SLC24A3: variants seen among roughly 807,000 people sequenced by gnomAD.
SLC24A3 encodes sodium/potassium/calcium exchanger 3.
Under a neutral mutation model 75.8 loss-of-function variants are expected in SLC24A3, and 28 were observed. The observed-to-expected ratio is 0.37, with a 90% CI of 0.27 to 0.51. The LOEUF (loss-of-function observed/expected upper bound fraction) is 0.51. Among genes scored for constraint, SLC24A3 ranks in the 20% least tolerant of loss-of-function variants. The pLI, the probability that SLC24A3 is intolerant of heterozygous loss-of-function variation, is 0.94. For synonymous variants in SLC24A3, 372 were observed against 334.1 expected (o/e 1.11, Z -1.24); for missense variants, 663 against 847.8 (o/e 0.78, Z 2.71).
chr20:19,309,900 C>T (rs1984415576), intron 2 of SLC24A3, among the ~76,000 whole-genome samples: 1 of 152,142 alleles, frequency 6.6e-6, no homozygotes, highest in Admixed American at 6.5e-5. Flanking sequence ...CTTTCACGCC[C>T]CAGGAGTGAC....
chr20:19,616,926 CAGA>C (rs889202280), intron 6 of SLC24A3, among the ~76,000 whole-genome samples: 10 of 152,102 alleles, frequency 6.6e-5, no homozygotes, highest in Admixed American at 1.3e-4. Context: ...CTCCGTTGGG[CAGA>C]AGAACCATGG....
intron 2 of SLC24A3, among the ~76,000 whole-genome samples, chr20:19,426,087 G>A (rs1481911383): frequency 2.6e-5 from 4 of 152,178 alleles, no homozygotes; most frequent in Non-Finnish European, 5.9e-5. Flanking sequence ...CCTTCAAGTG[G>A]AAAGTGCTTA....
intron 1 of SLC24A3, 62 bp from the exon 2 acceptor site, chr20:19,280,897 G>T: frequency 6.4e-7 from 1 of 1,568,842 alleles, no homozygotes; most frequent in Non-Finnish European, 8.7e-7. Flanking sequence ...CGGGCATGCA[G>T]CGTCGGCAGA....
chr20:19,389,841 G>A (rs1211480668), intron 2 of SLC24A3, among the ~76,000 whole-genome samples: 1 of 152,004 alleles, frequency 6.6e-6, no homozygotes, highest in Non-Finnish European at 1.5e-5. Flanking sequence ...CTCTTTCTGT[G>A]TTCCTTCCAG....
At chr20:19,232,344 T>C (rs1982046989) in intron 1 of SLC24A3, among the ~76,000 whole-genome samples, 2 of 152,234 alleles carry the variant, frequency 1.3e-5, no homozygotes, top group Admixed American at 6.5e-5. Flanking sequence ...GAGAGATGGT[T>C]ATCACAAAAT....
intron 2 of SLC24A3, among the ~76,000 whole-genome samples, chr20:19,317,532 G>C (rs927519883): frequency 1.3e-5 from 2 of 152,178 alleles, no homozygotes; most frequent in African/African-American, 4.8e-5. Context: ...CAGGCCCATG[G>C]GCCATGCCTT....
At chr20:19,297,285 C>T (rs1292904915) in intron 2 of SLC24A3, among the ~76,000 whole-genome samples, 3 of 152,104 alleles carry the variant, frequency 2.0e-5, no homozygotes, top group African/African-American at 7.2e-5. Flanking sequence ...CTTTGGGTTA[C>T]GTTTATACGC....
intron 1 of SLC24A3, among the ~76,000 whole-genome samples, chr20:19,271,809 G>A (rs914125397): frequency 3.3e-5 from 5 of 152,092 alleles, no homozygotes; most frequent in African/African-American, 1.2e-4. Flanking sequence ...GCATAAGAAT[G>A]ACTCTGGGGA....
intron 2 of SLC24A3, among the ~76,000 whole-genome samples, chr20:19,328,862 G>A (rs2122289452): frequency 6.6e-6 from 1 of 152,348 alleles, no homozygotes; most frequent in Middle Eastern, 3.4e-3. Flanking sequence ...TTCCCCACAG[G>A]AGCAAGCGTA....
At chr20:19,399,487 T>G (rs1165952966) in intron 2 of SLC24A3, among the ~76,000 whole-genome samples, 1 of 152,240 alleles carries the variant, frequency 6.6e-6, no homozygotes, top group Admixed American at 6.5e-5. Context: ...TCTCTTAGAA[T>G]TCTTCTTTGA....
At chr20:19,687,589 G>A (rs905214876) in intron 12 of SLC24A3, among the ~76,000 whole-genome samples, 1 of 152,148 alleles carries the variant, frequency 6.6e-6, no homozygotes, top group East Asian at 1.9e-4. Flanking sequence ...TTAAACAGTC[G>A]AGCCAGTGGA....
chr20:19,684,097 G>A (rs1568697062), intron 10 of SLC24A3, 79 bp from the exon 11 acceptor site: 3 of 1,489,932 alleles, frequency 2.0e-6, no homozygotes, highest in Non-Finnish European at 2.8e-6. Flanking sequence ...GAGAAAAGAA[G>A]GGAAGGAAGA....
At chr20:19,393,723 A>C (rs750052701) in intron 2 of SLC24A3, among the ~76,000 whole-genome samples, 1 of 152,208 alleles carries the variant, frequency 6.6e-6, no homozygotes, top group South Asian at 2.1e-4. Context: ...ATGTAAATAG[A>C]TGAAAAGACA....
intron 3 of SLC24A3, among the ~76,000 whole-genome samples, chr20:19,533,449 G>A (rs1167087019): frequency 6.6e-6 from 1 of 152,222 alleles, no homozygotes; most frequent in Non-Finnish European, 1.5e-5. Flanking sequence ...CAGGTGGGAT[G>A]CAGTGATAAT....
chr20:19,240,414 C>T (rs1432882649), intron 1 of SLC24A3, among the ~76,000 whole-genome samples: 1 of 152,182 alleles, frequency 6.6e-6, no homozygotes, highest in Admixed American at 6.5e-5. Flanking sequence ...CAGTTTTCTC[C>T]TTCCAGGAGT....
intron 6 of SLC24A3, among the ~76,000 whole-genome samples, chr20:19,632,668 C>T (rs1055480331): frequency 3.3e-5 from 5 of 152,238 alleles, no homozygotes; most frequent in Non-Finnish European, 5.9e-5. Context: ...TCATACCAGG[C>T]ACTGTGTTTT....
chr20:19,561,084 C>T (rs1446670706), intron 3 of SLC24A3, among the ~76,000 whole-genome samples: 1 of 152,260 alleles, frequency 6.6e-6, no homozygotes, highest in East Asian at 1.9e-4. Flanking sequence ...TTTCCGCTGA[C>T]CTTTCCTTGT....
chr20:19,290,480 CT>C (rs1257983713), intron 2 of SLC24A3, among the ~76,000 whole-genome samples: 2 of 152,130 alleles, frequency 1.3e-5, no homozygotes, highest in East Asian at 3.9e-4. Flanking sequence ...TAAAAGAGGC[CT>C]GAGAGAAAGC....
intron 1 of SLC24A3, among the ~76,000 whole-genome samples, chr20:19,269,496 A>G (rs1042425304): frequency 6.6e-6 from 1 of 152,230 alleles, no homozygotes; most frequent in Admixed American, 6.5e-5. Flanking sequence ...CTGAAAGGCG[A>G]TTTCAATTTC....
Sources: gnomAD v4.1 joint callset for allele counts (sites outside exome capture counted in the v4.1 genomes callset) on GRCh38, gnomAD v4.1.1 for gene constraint, MANE v1.5 for transcripts, NCBI Gene and HGNC (gene_info 2026-07-23, HGNC 2026-07-21) for gene names.